Variants in CPAP observed in about 807,000 individuals in gnomAD.
CPAP encodes centrosomal P4.1-associated protein.
At chr13:24,906,800 A>G in the CPAP span, 12 of 1,614,088 alleles carry the variant, frequency 7.4e-6, no homozygotes, top group Admixed American at 1.7e-4. Context: ...ATCCATTTTA[A>G]ACAGCGGCTG....
the CPAP span, chr13:24,907,226 A>C: frequency 6.7e-7 from 1 of 1,499,868 alleles, no homozygotes; most frequent in South Asian, 1.1e-5. Context: ...TTAACATGCA[A>C]ATCATAATGT....
At chr13:24,933,560 T>C in the CPAP span, 11 of 163,250 alleles carry the variant, frequency 6.7e-5, no homozygotes, top group Non-Finnish European at 1.5e-4. Flanking sequence ...GAAAGATATG[T>C]AGTGCAGACT....
the CPAP span, chr13:24,889,050 AG>A: frequency 2.2e-6 from 1 of 447,346 alleles, no homozygotes; most frequent in East Asian, 4.4e-5. Context: ...GCCCTCAAAA[AG>A]TTTCAGATTT....
the CPAP span, chr13:24,913,025 T>C: frequency 1.9e-6 from 3 of 1,613,344 alleles, no homozygotes; most frequent in East Asian, 2.2e-5. Flanking sequence ...ATCAGGAACA[T>C]CTTAGTCCAA....
chr13:24,920,619 C>CTTT, the CPAP span, among the ~76,000 whole-genome samples: 207 of 125,244 alleles, frequency 1.7e-3, 6 homozygotes, highest in East Asian at 2.1e-3. Context: ...AATATGATTC[C>CTTT]TTTTTTTTTT....
chr13:24,907,715 T>A, the CPAP span, among the ~76,000 whole-genome samples: 1 of 152,204 alleles, frequency 6.6e-6, no homozygotes, highest in Admixed American at 6.5e-5. Context: ...AAATGGGAGA[T>A]GTCAATACTT....
the CPAP span, among the ~76,000 whole-genome samples, chr13:24,901,686 T>G: frequency 6.6e-6 from 1 of 152,202 alleles, no homozygotes; most frequent in Admixed American, 6.5e-5. Context: ...AAGATGTCTA[T>G]TATGTTGTTG....
At chr13:24,917,753 GA>G in the CPAP span, among the ~76,000 whole-genome samples, 1 of 152,176 alleles carries the variant, frequency 6.6e-6, no homozygotes, top group Non-Finnish European at 1.5e-5. Flanking sequence ...AATTTATAAA[GA>G]AATTTATTTC....
the CPAP span, chr13:24,889,359 TC>T: frequency 6.2e-7 from 1 of 1,612,574 alleles, no homozygotes; most frequent in Non-Finnish European, 8.5e-7. Flanking sequence ...CTACCTGGGT[TC>T]CTGAAGAAAT....
At chr13:24,885,530 A>T in the CPAP span, 1 of 1,272,190 alleles carries the variant, frequency 7.9e-7, no homozygotes, top group South Asian at 1.2e-5. Context: ...TGGTTTAGAA[A>T]CGTTAAGTCT....
chr13:24,897,369 G>A, the CPAP span, among the ~76,000 whole-genome samples: 1 of 152,078 alleles, frequency 6.6e-6, no homozygotes, highest in Non-Finnish European at 1.5e-5. Context: ...TATACTCCAG[G>A]ACATAAGCTA....
At chr13:24,896,206 G>A in the CPAP span, among the ~76,000 whole-genome samples, 5 of 152,198 alleles carry the variant, frequency 3.3e-5, no homozygotes, top group African/African-American at 1.2e-4. Context: ...TGATAACCAA[G>A]TACGAACAGG....
the CPAP span, among the ~76,000 whole-genome samples, chr13:24,904,825 T>C: frequency 6.6e-6 from 1 of 152,212 alleles, no homozygotes; most frequent in Non-Finnish European, 1.5e-5. Context: ...TAATATAATA[T>C]AATGGAAAGG....
At chr13:24,911,908 T>G in the CPAP span, 2 of 1,613,012 alleles carry the variant, frequency 1.2e-6, no homozygotes, top group Non-Finnish European at 1.7e-6. Context: ...AGGTAAGAAA[T>G]GTGCATTATA....
chr13:24,885,486 T>C, the CPAP span: 7 of 1,182,162 alleles, frequency 5.9e-6, no homozygotes, highest in Non-Finnish European at 7.6e-6. Flanking sequence ...AAATATAACA[T>C]TTATAATGTT....
At chr13:24,903,584 T>C in the CPAP span, among the ~76,000 whole-genome samples, 1 of 152,202 alleles carries the variant, frequency 6.6e-6, no homozygotes, top group African/African-American at 2.4e-5. Context: ...AAAATACATT[T>C]CTATTGTTTA....
the CPAP span, among the ~76,000 whole-genome samples, chr13:24,931,334 T>C: frequency 9.6e-6 from 1 of 104,376 alleles, no homozygotes; most frequent in Non-Finnish European, 2.0e-5. Context: ...TGCCTCATAA[T>C]TTTTTGTTGA....
chr13:24,922,133 T>C, the CPAP span, among the ~76,000 whole-genome samples: 1 of 152,206 alleles, frequency 6.6e-6, no homozygotes, highest in African/African-American at 2.4e-5. Flanking sequence ...ATAAAACTTT[T>C]AAAAAATGTA....
chr13:24,906,440 G>A, the CPAP span: 1 of 1,614,010 alleles, frequency 6.2e-7, no homozygotes, highest in South Asian at 1.1e-5. Flanking sequence ...CAGCCGGCTG[G>A]CCGGCCCTGT....
Sources: gnomAD v4.1 joint callset for allele counts (sites outside exome capture counted in the v4.1 genomes callset) on GRCh38, gnomAD v4.1.1 for gene constraint, MANE v1.5 for transcripts, NCBI Gene and HGNC (gene_info 2026-07-23, HGNC 2026-07-21) for gene names.